The following PRAC2 variants were observed in gnomAD, a reference collection of about 807,000 sequenced individuals.
PRAC2 encodes PRAC2 small nuclear protein.
For synonymous variants in PRAC2, 43 were observed against 49.5 expected (o/e 0.87, Z 0.55); for missense variants, 92 against 114.5 (o/e 0.80, Z 0.90).
chr17:48,724,532 C>G lies in PRAC2; in HGVS notation c.122C>G (p.Pro41Arg). 1 of 1,232,894 alleles carries G rather than the reference C, an allele frequency of 8.1e-7. No individual in the cohort carries two copies. Among genetic ancestry groups the G allele is most frequent in the Non-Finnish European group, 1.0e-6 (1 of 988,028 alleles). The allele number at this position is 1,232,894 out of a possible 1,614,324, so 76.4% of individuals were successfully genotyped here. A position where few individuals can be genotyped will look rare whatever the true frequency, so the allele number is the denominator to read the frequency against. The change falls in exon 2 of 2, where the codon CCA becomes CGA. Residue 41 changes from proline to arginine, a missense_variant. Transcript: ENST00000422730. Reference protein sequence around the residue: ...AFFLGLSGAGPIHLPMPWPNG... With the variant: ...AFFLGLSGAGRIHLPMPWPNG... ...TTCCTGGGTCTCTCGGGGGCTGGAC[C>G]AATACATCTGCCGATGCCCTGGCCG...
chr17:48,721,683 G>C (rs2038145898), upstream of PRAC2: 1 of 1,110,802 alleles, frequency 9.0e-7, no homozygotes, highest in African/African-American at 1.6e-5. Flanking sequence ...GTTTAAAAAA[G>C]AAAAATTGTT....
At chr17:48,721,632 A>AT (rs907973091), upstream of PRAC2, 10 of 616,260 alleles carry the variant, frequency 1.6e-5, no homozygotes, top group Admixed American at 4.2e-5. Flanking sequence ...GCCCGTTTTT[A>AT]TTTTTTTAAG....
chr17:48,721,681 A>G (rs36105162), upstream of PRAC2: 1,262 of 1,106,898 alleles, frequency 1.1e-3, 13 homozygotes, highest in African/African-American at 0.011. Context: ...TAGTTTAAAA[A>G]AGAAAAATTG....
chr17:48,724,728 C>A lies in PRAC2; in HGVS notation c.*45C>A. 1 of 996,492 alleles carries A rather than the reference C, an allele frequency of 1.0e-6. No homozygotes were observed. Among genetic ancestry groups the A allele is most frequent in the Non-Finnish European group, 1.3e-6 (1 of 773,554 alleles). 61.7% of individuals were successfully genotyped at this position (996,492 alleles called of 1,614,324 possible). A position where few individuals can be genotyped will look rare whatever the true frequency, so the allele number is the denominator to read the frequency against. ...GCCCACGTCTTTTTAATGGTCCTAA[C>A]ACACCAGTGGAATAAATCTCTAAGA... On this transcript the variant is annotated 3_prime_UTR_variant, in exon 2 of 2. Coordinates refer to ENST00000422730, the MANE Select transcript of PRAC2 (RefSeq NM_001282275.2).
chr17:48,719,861 C>T (rs1047961732), upstream of PRAC2, among the ~76,000 whole-genome samples: 1 of 152,130 alleles, frequency 6.6e-6, no homozygotes, highest in Non-Finnish European at 1.5e-5. Context: ...CCCGGTTTCT[C>T]GCGTTTCGGG....
At chr17:48,723,870 C>T in intron 1 of PRAC2, 2 of 890,856 alleles carry the variant, frequency 2.2e-6, no homozygotes, top group South Asian at 1.1e-4. Flanking sequence ...GGGCCTGGAG[C>T]CCGCGTAGAC....
At position 48,724,506 on chromosome 17, in the gene PRAC2, C is replaced by T. The variant is rs1362851706; in HGVS notation, c.96C>T (p.Phe32=). 3.2e-6 allele frequency: 4 copies of T among 1,233,838 alleles called. No homozygotes were observed. The highest frequency in any genetic ancestry group is 4.0e-6 in the Non-Finnish European group (4 of 988,152). The allele number at this position is 1,233,838 out of a possible 1,614,324, so 76.4% of individuals were successfully genotyped here. A position where few individuals can be genotyped will look rare whatever the true frequency, so the allele number is the denominator to read the frequency against. The change falls in exon 2 of 2, where the codon TTC becomes TTT. Residue 32 remains phenylalanine (F), a synonymous_variant. Coordinates refer to ENST00000422730, the MANE Select transcript of PRAC2 (RefSeq NM_001282275.2). ...SRWLVPNLLA[F]FLGLSGAGPI... is the part of the protein sequence containing the mutation. Reference sequence around the variant, plus strand: ...GGCTCGTACCGAACCTCCTTGCCTTCTTCCTGGGTCTCTCGGGGGCTGGAC... The same window carrying T: ...GGCTCGTACCGAACCTCCTTGCCTTTTTCCTGGGTCTCTCGGGGGCTGGAC...
rs543910385 is a variant in PRAC2, at chr17:48,724,325, C to G, written c.-83-3C>G. On this transcript the variant is annotated splice_region_variant and splice_polypyrimidine_tract_variant and intron_variant, in intron 1 of 1. Coordinates refer to ENST00000422730, the MANE Select transcript of PRAC2 (RefSeq NM_001282275.2). Reference sequence around the variant, plus strand: ...AAAACGAAATTAAATATTTTTTGCACAGGTTCCATACAAGTAAATCCGAAA... The same window carrying G: ...AAAACGAAATTAAATATTTTTTGCAGAGGTTCCATACAAGTAAATCCGAAA... The G allele has an allele frequency of 3.3e-6, 4 of 1,229,236 alleles. No individual in the cohort carries two copies. Among genetic ancestry groups the G allele is most frequent in the African/African-American group, 1.6e-5 (1 of 64,376 alleles). 76.1% of individuals were successfully genotyped at this position (1,229,236 alleles called of 1,614,324 possible).
At chr17:48,722,878 C>A (rs985228843), upstream of PRAC2, among the ~76,000 whole-genome samples, 1 of 152,140 alleles carries the variant, frequency 6.6e-6, no homozygotes, top group Non-Finnish European at 1.5e-5. Flanking sequence ...ACCCTCCCCC[C>A]AGGCTGGGCG....
upstream of PRAC2, chr17:48,722,443 G>A: frequency 1.3e-6 from 2 of 1,529,438 alleles, no homozygotes; most frequent in Non-Finnish European, 1.8e-6. Context: ...GCCTGACCTT[G>A]CAAGCAAGCA....
chr17:48,722,307 G>T (rs1288192215), upstream of PRAC2: 3 of 1,610,060 alleles, frequency 1.9e-6, no homozygotes, highest in Non-Finnish European at 2.6e-6. Context: ...TTGGCCCACC[G>T]ATCAGTTTAC....
At chr17:48,722,235 G>C (rs764106837), upstream of PRAC2, 1 of 1,190,278 alleles carries the variant, frequency 8.4e-7, no homozygotes, top group Non-Finnish European at 1.2e-6. Flanking sequence ...AAATTCCTGG[G>C]AGACCCTCTC....
At chr17:48,721,859 C>T (rs868282468), upstream of PRAC2, 1 of 1,541,406 alleles carries the variant, frequency 6.5e-7, no homozygotes, top group Middle Eastern at 1.8e-4. Context: ...TGAGCCATCA[C>T]TCCTGGTCTC....
chr17:48,719,992 G>C (rs1258284891), upstream of PRAC2, among the ~76,000 whole-genome samples: 5 of 152,330 alleles, frequency 3.3e-5, no homozygotes. Context: ...GCCTGGAATG[G>C]GAGGTGCGGC....
upstream of PRAC2, among the ~76,000 whole-genome samples, chr17:48,719,212 A>AACACAC (rs3060082): frequency 0.023 from 3,195 of 141,100 alleles, 44 homozygotes; most frequent in Middle Eastern, 0.04. Flanking sequence ...CTCGCACACA[A>AACACAC]ACACACACAC....
At position 48,724,661 on chromosome 17, in the gene PRAC2, C is replaced by G. The variant is rs1010439597; in HGVS notation, c.251C>G (p.Pro84Arg). 2.4e-5 allele frequency: 29 copies of G among 1,232,182 alleles called. No individual in the cohort carries two copies. In the East Asian group the frequency reaches 6.9e-4, roughly 29 times the overall value. 76.3% of individuals were successfully genotyped at this position (1,232,182 alleles called of 1,614,324 possible). A position where few individuals can be genotyped will look rare whatever the true frequency, so the allele number is the denominator to read the frequency against. Residue 84 changes from proline to arginine, a missense_variant, in exon 2 of 2, where the codon CCG (proline) becomes CGG (arginine). Physicochemically the swap from Pro to Arg is moderately radical, Grantham distance 103. Transcript: ENST00000422730. ...GCTCCGCGGACGATGAAAGCCTGCC[C>G]GCAGGTTCTCCTGGAGTGGTGAGCC... is the stretch of plus-strand genomic sequence containing the variant. The part of the protein sequence containing the change: ...PVAPRTMKAC[P>R]QVLLEW
At chr17:48,722,317 C>T (rs759048451), upstream of PRAC2, 10 of 1,613,234 alleles carry the variant, frequency 6.2e-6, no homozygotes, top group South Asian at 8.8e-5. Flanking sequence ...GATCAGTTTA[C>T]CTTATTAGAG....
chr17:48,719,675 G>A (rs2038126759), upstream of PRAC2, among the ~76,000 whole-genome samples: 1 of 152,218 alleles, frequency 6.6e-6, no homozygotes, highest in Non-Finnish European at 1.5e-5. Flanking sequence ...CTAGAATAAG[G>A]TAAACGAACA....
chr17:48,724,310 TA>T lies in PRAC2; in HGVS notation c.-83-15del. The T allele has an allele frequency of 8.2e-7, 1 of 1,216,046 alleles. No individual in the cohort carries two copies. Among genetic ancestry groups the T allele is most frequent in the Non-Finnish European group, 1.0e-6 (1 of 971,736 alleles). 75.3% of individuals were successfully genotyped at this position (1,216,046 alleles called of 1,614,324 possible). A position where few individuals can be genotyped will look rare whatever the true frequency, so the allele number is the denominator to read the frequency against. On this transcript the variant is annotated splice_polypyrimidine_tract_variant and intron_variant, in intron 1 of 1. Transcript: ENST00000422730. Reference sequence around the variant, plus strand: ...GAAAGCGTTTAATACAAAACGAAATTAAATATTTTTTGCACAGGTTCCATAC... The same window carrying T: ...GAAAGCGTTTAATACAAAACGAAATTAATATTTTTTGCACAGGTTCCATAC...
Sources: gnomAD v4.1 joint callset for allele counts (sites outside exome capture counted in the v4.1 genomes callset) on GRCh38, gnomAD v4.1.1 for gene constraint, MANE v1.5 for transcripts, NCBI Gene and HGNC (gene_info 2026-07-23, HGNC 2026-07-21) for gene names.